The following CTNNA2 variants were observed in gnomAD, a reference collection of about 807,000 sequenced individuals.
CTNNA2 encodes the protein catenin alpha-2.
Under a neutral mutation model 101.0 loss-of-function variants are expected in CTNNA2, and 42 were observed. The ratio of observed to expected loss-of-function variants is 0.42; its 90% CI spans 0.32 to 0.54. The LOEUF is 0.54. Ranked by LOEUF, CTNNA2 falls within the 20% of genes least tolerant of loss-of-function variation. The pLI is 0.14. For missense variants in CTNNA2, 871 were observed against 1,223.1 expected, an observed-to-expected ratio of 0.71 and a Z score of 4.29; for synonymous variants, 450 against 456.4, an observed-to-expected ratio of 0.99 and a Z score of 0.18.
intron 9 of CTNNA2, among the ~76,000 whole-genome samples, chr2:80,508,425 C>T (rs1356516844): frequency 6.6e-6 from 1 of 152,154 alleles, no homozygotes; most frequent in Non-Finnish European, 1.5e-5. Context: ...GTAGAGGTTT[C>T]AGTTAGCCCA....
At chr2:80,149,023 ATTTTTTTTTTTTTT>A (rs34431691) in intron 7 of CTNNA2, among the ~76,000 whole-genome samples, 1 of 124,820 alleles carries the variant, frequency 8.0e-6, no homozygotes, top group East Asian at 2.4e-4. Context: ...TTATTTTGTT[ATTTTTTTTTTTTTT>A]TTTTTTTTAA....
At chr2:79,599,507 A>G (rs1014894046) in intron 1 of CTNNA2, among the ~76,000 whole-genome samples, 4 of 152,180 alleles carry the variant, frequency 2.6e-5, no homozygotes, top group Non-Finnish European at 4.4e-5. Context: ...TGGCCTATTA[A>G]TTTTATGATA....
At chr2:80,257,322 T>C (rs768900600) in intron 7 of CTNNA2, among the ~76,000 whole-genome samples, 56 of 152,254 alleles carry the variant, frequency 3.7e-4, no homozygotes, top group Non-Finnish European at 6.9e-4. Context: ...CCAAAGTCAC[T>C]CTATATTGGC....
rs1573152046 is a variant in CTNNA2, at chr2:79,409,080, G to A, written c.-135+35067G>A. ...GTGAGCATTTTTTCATGTGTTTTTT[G>A]GCTGCATAAATGTCTTCTTTTGAGA... On this transcript the variant is annotated intron_variant, in intron 4 of 21. Transcript: ENST00000466387. Among the ~76,000 whole-genome samples the A allele has an allele frequency of 2.0e-5, 3 of 152,010 alleles. No individual in the cohort carries two copies. In the Middle Eastern group the frequency reaches 0.01, roughly 517 times the overall value.
At chr2:79,489,174 T>G (rs1051473289) in intron 4 of CTNNA2, among the ~76,000 whole-genome samples, 1 of 152,154 alleles carries the variant, frequency 6.6e-6, no homozygotes, top group African/African-American at 2.4e-5. Flanking sequence ...CCTTTTATTC[T>G]CTTTTTCTCA....
intron 15 of CTNNA2, among the ~76,000 whole-genome samples, chr2:80,596,584 T>A (rs909178974): frequency 4.6e-5 from 7 of 151,992 alleles, no homozygotes; most frequent in Non-Finnish European, 7.4e-5. Context: ...AGTGCTGGGA[T>A]TACAGGCCTG....
chr2:80,389,943 T>C (rs1237440241), intron 7 of CTNNA2, among the ~76,000 whole-genome samples: 2 of 152,206 alleles, frequency 1.3e-5, no homozygotes, highest in Non-Finnish European at 2.9e-5. Context: ...GAATGATTAA[T>C]GTTACCAGAG....
chr2:79,395,668 A>C lies in CTNNA2; in HGVS notation c.-135+21655A>C, dbSNP rs56032759. ...TTTCCTATCTTTAGCTATGTGATTAATAATTATAAAAGTATCAAGAGAGAA... is the reference window on the plus strand; with the variant it reads ...TTTCCTATCTTTAGCTATGTGATTACTAATTATAAAAGTATCAAGAGAGAA... On this transcript the variant is annotated intron_variant, in intron 4 of 21. Coordinates refer to the CTNNA2 transcript ENST00000466387. Among the ~76,000 whole-genome samples the C allele has an allele frequency of 9.3e-4, 142 of 152,332 alleles. 1 individual carries two copies. The highest frequency in any genetic ancestry group is 3.2e-3 in the African/African-American group (133 of 41,592).
intron 9 of CTNNA2, among the ~76,000 whole-genome samples, chr2:80,434,485 C>CTTTTTTTTTTT (rs1169944635): frequency 1.1e-5 from 1 of 89,962 alleles, no homozygotes; most frequent in Non-Finnish European, 2.0e-5. Flanking sequence ...TTCTGTGTCT[C>CTTTTTTTTTTT]TTTTTTTTTT....
At position 80,247,392 on chromosome 2, in the gene CTNNA2, T is replaced by C. The variant is rs114498895; in HGVS notation, c.1057-145819T>C. Among the ~76,000 whole-genome samples, 1,408 of 152,268 alleles carry C rather than the reference T, an allele frequency of 9.2e-3. 22 individuals are homozygous for C. The highest frequency in any genetic ancestry group is 0.032 in the African/African-American group (1,339 of 41,560). ...GGAGAAGATTGGAGCAATTAACCTC[T>C]CAGACATCTTAAAGCCTTACCATTC... On this transcript the variant is annotated intron_variant, in intron 7 of 18. Coordinates refer to ENST00000402739, the MANE Select transcript of CTNNA2 (RefSeq NM_001282597.3).
At chr2:79,418,181 A>G (rs73940521) in intron 4 of CTNNA2, among the ~76,000 whole-genome samples, 2,034 of 152,172 alleles carry the variant, frequency 0.013, 45 homozygotes, top group African/African-American at 0.048. Context: ...ATATCTCAAA[A>G]GGCCGATCTT....
chr2:79,290,976 G>A (rs1453059473), intron 2 of CTNNA2, among the ~76,000 whole-genome samples: 1 of 152,060 alleles, frequency 6.6e-6, no homozygotes, highest in Non-Finnish European at 1.5e-5. Flanking sequence ...CGCCCACTGG[G>A]GCTTCAGAGG....
intron 4 of CTNNA2, among the ~76,000 whole-genome samples, chr2:79,392,865 G>C (rs1678190504): frequency 6.6e-6 from 1 of 152,158 alleles, no homozygotes; most frequent in South Asian, 2.1e-4. Context: ...ATAGAAATCA[G>C]TTCTTTCAAA....
At chr2:79,196,918 A>C (rs963622354) in intron 1 of CTNNA2, among the ~76,000 whole-genome samples, 2 of 152,056 alleles carry the variant, frequency 1.3e-5, no homozygotes, top group Non-Finnish European at 2.9e-5. Flanking sequence ...CATGGTTCTG[A>C]TTTATATTTG....
At position 80,306,444 on chromosome 2, in the gene CTNNA2, CTT is replaced by C. The variant is rs1304749866; in HGVS notation, c.1057-86765_1057-86764del. Among the ~76,000 whole-genome samples the C allele has an allele frequency of 2.8e-3, 377 of 136,922 alleles. 1 individual carries two copies. The highest frequency in any genetic ancestry group is 7.1e-3 in the African/African-American group (253 of 35,638). 89.8% of individuals were successfully genotyped at this position (136,922 alleles called of 152,430 possible). A position where few individuals can be genotyped will look rare whatever the true frequency, so the allele number is the denominator to read the frequency against. ...TCTTTCTTTCTTTCTTTCTTTCTTT[CTT>C]TCTTTCTCTCTCTCTCTTTCTTTCT... On this transcript the variant is annotated intron_variant, in intron 7 of 18. Coordinates refer to ENST00000402739, the MANE Select transcript of CTNNA2 (RefSeq NM_001282597.3).
intron 4 of CTNNA2, among the ~76,000 whole-genome samples, chr2:79,427,648 A>G (rs1238721181): frequency 6.6e-6 from 1 of 151,562 alleles, no homozygotes; most frequent in Non-Finnish European, 1.5e-5. Context: ...ACTGTACTCA[A>G]TCCTCCATCT....
intron 3 of CTNNA2, among the ~76,000 whole-genome samples, chr2:79,847,647 T>G (rs749379158): frequency 6.8e-6 from 1 of 147,898 alleles, no homozygotes; most frequent in Non-Finnish European, 1.5e-5. Flanking sequence ...GGATTTTGCA[T>G]CTGTTAAAAT....
chr2:79,417,945 G>A (rs749572765), intron 4 of CTNNA2, among the ~76,000 whole-genome samples: 11 of 152,070 alleles, frequency 7.2e-5, no homozygotes, highest in Non-Finnish European at 1.6e-4. Context: ...GCCATACCAC[G>A]TGGGAAATGG....
chr2:80,364,334 A>C (rs1481366147), intron 7 of CTNNA2, among the ~76,000 whole-genome samples: 1 of 152,124 alleles, frequency 6.6e-6, no homozygotes, highest in Non-Finnish European at 1.5e-5. Flanking sequence ...GAAAGGGTCA[A>C]TTTTAAAATT....
Sources: gnomAD v4.1 joint callset for allele counts (sites outside exome capture counted in the v4.1 genomes callset) on GRCh38, gnomAD v4.1.1 for gene constraint, MANE v1.5 for transcripts, NCBI Gene and HGNC (gene_info 2026-07-23, HGNC 2026-07-21) for gene names.